Variants in CRYBG3 observed in about 807,000 individuals in gnomAD.
CRYBG3 encodes the protein crystallin beta-gamma domain containing 3.
Under a neutral mutation model 244.2 loss-of-function variants are expected in CRYBG3, and 127 were observed. The observed-to-expected ratio is 0.52, with a 90% CI of 0.45 to 0.60. The LOEUF (loss-of-function observed/expected upper bound fraction) is 0.60. Among genes scored for constraint, CRYBG3 ranks in the 20% least tolerant of loss-of-function variants. The pLI is 0.00. For synonymous variants in CRYBG3, 1,132 were observed against 1,195.8 expected (o/e 0.95, Z 1.10); for missense variants, 3,325 against 3,442.5 (o/e 0.97, Z 0.85).
intron 19 of CRYBG3, among the ~76,000 whole-genome samples, chr3:97,939,962 C>T (rs1383077897): frequency 2.0e-5 from 3 of 152,034 alleles, no homozygotes; most frequent in South Asian, 2.1e-4. Flanking sequence ...GTTTCAAAAA[C>T]AGTAGACTGT....
intron 2 of CRYBG3, among the ~76,000 whole-genome samples, chr3:97,855,583 G>A (rs1464965806): frequency 6.6e-6 from 1 of 152,088 alleles, no homozygotes; most frequent in African/African-American, 2.4e-5. Flanking sequence ...ATATGTCCAG[G>A]TATCGGGGAA....
At chr3:97,900,401 A>T in intron 14 of CRYBG3, 52 bp from the exon 15 acceptor site, 4 of 1,014,276 alleles carry the variant, frequency 3.9e-6, no homozygotes, top group Non-Finnish European at 5.6e-6. Context: ...AAACTTTCAA[A>T]AAGACAGATT....
Position 97,900,498 on chromosome 3 carries a change from A to G in CRYBG3, c.8004+13A>G. ...ACCTCCGCATTTGGTATGTTTAAAA[A>G]TATTCTTGTAATTGTTAAATTGTTT... On this transcript the variant is annotated intron_variant, in intron 15 of 21. Transcript: ENST00000389622. 6 of 1,500,026 alleles carry G rather than the reference A, an allele frequency of 4.0e-6. No individual in the cohort carries two copies. Among genetic ancestry groups the G allele is most frequent in the Non-Finnish European group, 5.6e-6 (6 of 1,080,490 alleles). The allele number at this position is 1,500,026 out of a possible 1,614,324, so 92.9% of individuals were successfully genotyped here.
chr3:97,866,457 C>CA (rs760650941), intron 3 of CRYBG3, among the ~76,000 whole-genome samples: 3 of 152,166 alleles, frequency 2.0e-5, no homozygotes, highest in Non-Finnish European at 2.9e-5. Context: ...CTTGGAGCAG[C>CA]AGCAGCATCA....
At position 97,889,368 on chromosome 3, in the gene CRYBG3, TG is replaced by T; in HGVS notation, c.7420del (p.Glu2474LysfsTer4). 6.2e-7 allele frequency: 1 copy of T among 1,609,382 alleles called. No homozygotes were observed. Among genetic ancestry groups the T allele is most frequent in the Non-Finnish European group, 8.5e-7 (1 of 1,175,894 alleles). ...TGTCATCTTAAGGGTGGACTGAAAGTGGAAATGCCCATGAACTTAAAGGTAA... is the reference window on the plus strand; with the variant it reads ...TGTCATCTTAAGGGTGGACTGAAAGTGAAATGCCCATGAACTTAAAGGTAA... ...LHPLQMGGLKVEMPMNLKVII... is the reference protein window; with the variant it reads ...LHPLQMGGLKXEMPMNLKVII... On this transcript the variant is annotated frameshift_variant, in exon 10 of 22. Transcript: ENST00000389622. LOFTEE classifies it high-confidence loss of function.
intron 7 of CRYBG3, among the ~76,000 whole-genome samples, chr3:97,885,772 T>A (rs1461265867): frequency 3.9e-5 from 6 of 151,994 alleles, no homozygotes. Context: ...TGGTGTCCTA[T>A]TATAGAAAGA....
At chr3:97,896,146 G>A (rs779441640) in intron 12 of CRYBG3, 61 bp downstream of exon 12, 29 of 1,473,562 alleles carry the variant, frequency 2.0e-5, no homozygotes, top group Non-Finnish European at 2.5e-5. Context: ...ACAAAAATTG[G>A]ACATGACTCC....
chr3:97,892,716 C>T (rs146313716), intron 10 of CRYBG3, 144 bp from the exon 11 acceptor site: 310 of 493,926 alleles, frequency 6.3e-4, no homozygotes, highest in African/African-American at 5.8e-3. Context: ...TTTTGTAATA[C>T]ACCTTTTCCA....
At chr3:97,883,076 T>C (rs2108225715) in intron 7 of CRYBG3, among the ~76,000 whole-genome samples, 1 of 152,188 alleles carries the variant, frequency 6.6e-6, no homozygotes, top group South Asian at 2.1e-4. Context: ...GCGTGTCACC[T>C]GGAGGAGGTG....
In CRYBG3 at chr3:97,895,945, C is replaced by T; in HGVS notation, c.7575-14C>T. On this transcript the variant is annotated splice_polypyrimidine_tract_variant and intron_variant, in intron 11 of 21. Coordinates refer to ENST00000389622, the MANE Select transcript of CRYBG3 (RefSeq NM_153605.4). ...TTTATTAATGGGTCATTTGGGTGTC[C>T]CCTGTATTTCTAGGTGGGTTGCCTA... The T allele has an allele frequency of 6.2e-7, 1 of 1,608,028 alleles. No individual in the cohort carries two copies.
rs1164419365 is a variant in CRYBG3 at position 97,874,827 on chromosome 3, C to T, written c.3633C>T (p.Val1211=). The T allele has an allele frequency of 7.2e-6, 11 of 1,535,784 alleles. No homozygotes were observed. The South Asian group carries it at 1.3e-4, about 18-fold the overall frequency. Residue 1211 remains valine, a synonymous_variant, in exon 4 of 22, where the codon GTC becomes GTT. Coordinates refer to ENST00000389622, the MANE Select transcript of CRYBG3 (RefSeq NM_153605.4). ...DTLIGEIFNS[V]REELKFKHTV... Reference sequence around the variant, plus strand: ...TGATTGGTGAGATTTTTAATTCTGTCAGGGAAGAACTAAAATTCAAACACA... The same window carrying T: ...TGATTGGTGAGATTTTTAATTCTGTTAGGGAAGAACTAAAATTCAAACACA...
At chr3:97,933,092 A>G (rs1206615753) in intron 17 of CRYBG3, 1 of 452,888 alleles carries the variant, frequency 2.2e-6, no homozygotes, top group Non-Finnish European at 4.4e-6. Context: ...GTCTCTTAAC[A>G]TGGTGTCTTG....
Position 97,879,978 on chromosome 3 carries a change from G to A in CRYBG3, c.6889-7G>A, listed in dbSNP as rs1478475998. On this transcript the variant is annotated splice_polypyrimidine_tract_variant and splice_region_variant and intron_variant, in intron 5 of 21. Transcript: ENST00000389622. ...GTAACTACTTACTGCTATTTACTGT[G>A]TTGCAGATGGTTATCTATGATCTCC... The A allele has an allele frequency of 1.5e-6, 2 of 1,358,648 alleles. No homozygotes were observed. The highest frequency in any genetic ancestry group is 1.8e-5 in the Admixed American group (1 of 56,442). 84.2% of individuals were successfully genotyped at this position (1,358,648 alleles called of 1,614,324 possible).
chr3:97,936,689 A>C, intron 18 of CRYBG3, 96 bp from the exon 19 acceptor site: 2 of 1,270,502 alleles, frequency 1.6e-6, no homozygotes, highest in Non-Finnish European at 2.2e-6. Context: ...CAAACCTAGA[A>C]GTTTATGAAC....
chr3:97,930,531 A>C (rs2040086187), intron 17 of CRYBG3, among the ~76,000 whole-genome samples: 1 of 152,060 alleles, frequency 6.6e-6, no homozygotes, highest in Non-Finnish European at 1.5e-5. Context: ...TGGTGCAGTC[A>C]GTGGTGTCTA....
intron 15 of CRYBG3, among the ~76,000 whole-genome samples, chr3:97,902,865 CAG>C (rs2039721768): frequency 1.3e-5 from 2 of 152,138 alleles, no homozygotes; most frequent in East Asian, 1.9e-4. Context: ...AAAAACCAAA[CAG>C]AATATGTATT....
intron 10 of CRYBG3, among the ~76,000 whole-genome samples, chr3:97,890,125 A>G (rs961662841): frequency 2.0e-5 from 3 of 152,184 alleles, no homozygotes; most frequent in African/African-American, 7.2e-5. Flanking sequence ...ACTGACTTCC[A>G]TTCTCTCAGC....
intron 16 of CRYBG3, among the ~76,000 whole-genome samples, chr3:97,913,497 C>T (rs983348697): frequency 6.6e-6 from 1 of 152,180 alleles, no homozygotes; most frequent in African/African-American, 2.4e-5. Flanking sequence ...GGCACAGCTG[C>T]GTTCCAATGA....
chr3:97,826,425 A>G (rs1354178138), intron 1 of CRYBG3, among the ~76,000 whole-genome samples: 1 of 152,212 alleles, frequency 6.6e-6, no homozygotes, highest in Non-Finnish European at 1.5e-5. Flanking sequence ...TACTCATAAC[A>G]GCGGAAAATA....
Sources: gnomAD v4.1 joint callset for allele counts (sites outside exome capture counted in the v4.1 genomes callset) on GRCh38, gnomAD v4.1.1 for gene constraint, MANE v1.5 for transcripts, NCBI Gene and HGNC (gene_info 2026-07-23, HGNC 2026-07-21) for gene names.